KCNK12: variants seen among roughly 807,000 people sequenced by gnomAD.
KCNK12 encodes potassium two pore domain channel subfamily K member 12, also known as potassium channel subfamily K member 12.
Under a neutral mutation model 25.3 loss-of-function variants are expected in KCNK12, and 6 were observed. The ratio of observed to expected loss-of-function variants is 0.24; its 90% CI spans 0.13 to 0.47. The LOEUF (loss-of-function observed/expected upper bound fraction) is 0.47. Among genes scored for constraint, KCNK12 ranks in the 20% least tolerant of loss-of-function variants. The pLI is 0.99. For missense variants in KCNK12, 444 were observed against 661.7 expected (o/e 0.67, Z 3.61); for synonymous variants, 331 against 311.1 (o/e 1.06, Z -0.67).
chr2:47,534,527 G>T (rs13017722), intron 1 of KCNK12, among the ~76,000 whole-genome samples: 7 of 32,676 alleles, frequency 2.1e-4, no homozygotes, highest in Admixed American at 1.8e-3. Flanking sequence ...CCCCCCCCCC[G>T]CCCCCACACA....
chr2:47,569,851 C>T lies in KCNK12; in HGVS notation c.391+90G>A. The stretch of plus-strand genomic sequence containing the variant: ...GGGACATTAGAAGGGAAGGCAGAGC[C>T]GAGGGACGCGGACCGAGCGGCCGAG... On this transcript the variant is annotated intron_variant, in intron 1 of 1. Transcript: ENST00000327876. The surrounding 1 kb of genome is among the most constrained non-coding windows in gnomAD (Gnocchi z 4.1). 9.2e-7 allele frequency: 1 copy of T among 1,085,978 alleles called. No individual in the cohort carries two copies. The highest frequency in any genetic ancestry group is 3.5e-5 in the South Asian group (1 of 28,764). 67.3% of individuals were successfully genotyped at this position (1,085,978 alleles called of 1,614,324 possible). A position where few individuals can be genotyped will look rare whatever the true frequency, so the allele number is the denominator to read the frequency against.
intron 1 of KCNK12, among the ~76,000 whole-genome samples, chr2:47,537,294 A>G (rs1669094199): frequency 1.3e-5 from 2 of 151,592 alleles, no homozygotes; most frequent in Admixed American, 1.3e-4. Context: ...AATTCCGTAC[A>G]TGGAGCACAC....
At position 47,547,818 on chromosome 2, in the gene KCNK12, G is replaced by A. The variant is rs1418854846; in HGVS notation, c.391+22123C>T. 2.0e-5 allele frequency among the ~76,000 whole-genome samples: 3 copies of A among 152,066 alleles called. No individual in the cohort carries two copies. The highest frequency in any genetic ancestry group is 2.9e-5 in the Non-Finnish European group (2 of 67,990). ...TCACCGTGTTGGCCAGGCTGGTCTCGAACTCCTACCACATATAAGTGGTTC... is the reference window on the plus strand; with the variant it reads ...TCACCGTGTTGGCCAGGCTGGTCTCAAACTCCTACCACATATAAGTGGTTC... On this transcript the variant is annotated intron_variant, in intron 1 of 1. Transcript: ENST00000327876. This position sits in a 1 kb window ranked among gnomAD's most constrained non-coding sequence, Gnocchi z 5.0.
chr2:47,552,885 C>G (rs72812332), intron 1 of KCNK12, among the ~76,000 whole-genome samples: 2,183 of 152,230 alleles, frequency 0.014, 26 homozygotes, highest in Middle Eastern at 0.027. Flanking sequence ...GCAAGAAGAC[C>G]CAAGATCAGC....
intron 1 of KCNK12, among the ~76,000 whole-genome samples, chr2:47,539,326 G>C (rs954242612): frequency 6.6e-6 from 1 of 152,214 alleles, no homozygotes; most frequent in African/African-American, 2.4e-5. Flanking sequence ...TTTGTTCATA[G>C]TGTTTATATG....
intron 1 of KCNK12, chr2:47,563,472 G>A (rs1863334): frequency 1.3e-5 from 3 of 232,978 alleles, no homozygotes; most frequent in Non-Finnish European, 2.5e-5. Context: ...GGATGAGAGC[G>A]CAAGCTCTCA....
At position 47,556,537 on chromosome 2, in the gene KCNK12, C is replaced by A. The variant is rs1278970928; in HGVS notation, c.391+13404G>T. ...GGAGTGTCCAGCTGGTACTCAGGGT[C>A]ACCAATTTAAAGTTGGACCAGTCAG... On this transcript the variant is annotated intron_variant, in intron 1 of 1. Transcript: ENST00000327876. The surrounding 1 kb of genome is among the most constrained non-coding windows in gnomAD (Gnocchi z 4.8). Among the ~76,000 whole-genome samples, 1 of 152,028 alleles carries A rather than the reference C, an allele frequency of 6.6e-6. No homozygotes were observed. Among genetic ancestry groups the A allele is most frequent in the Non-Finnish European group, 1.5e-5 (1 of 68,016 alleles).
chr2:47,532,949 C>CA (rs1305432657), intron 1 of KCNK12, among the ~76,000 whole-genome samples: 1 of 152,224 alleles, frequency 6.6e-6, no homozygotes, highest in Non-Finnish European at 1.5e-5. Flanking sequence ...GACATGGACA[C>CA]ATTCCTTACC....
rs1192913530 is a variant in KCNK12, at chr2:47,569,300, TG to T, written c.391+640del. On this transcript the variant is annotated intron_variant, in intron 1 of 1. Coordinates refer to ENST00000327876, the MANE Select transcript of KCNK12 (RefSeq NM_022055.2). The surrounding 1 kb of genome is among the most constrained non-coding windows in gnomAD (Gnocchi z 4.1). Reference sequence around the variant, plus strand: ...AGAAATTGGAGAAGGGGCTGGGAGCTGGGGGAGAACACAAGGAAGGGAGGCA... The same window carrying T: ...AGAAATTGGAGAAGGGGCTGGGAGCTGGGGAGAACACAAGGAAGGGAGGCA... Among the ~76,000 whole-genome samples, 1 of 151,416 alleles carries T rather than the reference TG, an allele frequency of 6.6e-6. No homozygotes were observed.
In KCNK12 at chr2:47,544,272, G is replaced by T. The variant is rs115530738; in HGVS notation, c.392-22464C>A. ...AAAGGAACCCTCCCATACAGGCTTG[G>T]TACAGTCTCAGCCTGTAACGCTTCC... On this transcript the variant is annotated intron_variant, in intron 1 of 1. Transcript: ENST00000327876. Among the ~76,000 whole-genome samples, 646 of 152,306 alleles carry T rather than the reference G, an allele frequency of 4.2e-3. 3 individuals carry two copies. Among genetic ancestry groups the T allele is most frequent in the African/African-American group, 0.015 (627 of 41,558 alleles).
rs529434428 is a variant in KCNK12 at position 47,538,810 on chromosome 2, C to T, written c.392-17002G>A. On this transcript the variant is annotated intron_variant, in intron 1 of 1. Coordinates refer to ENST00000327876, the MANE Select transcript of KCNK12 (RefSeq NM_022055.2). This position sits in a 1 kb window ranked among gnomAD's most constrained non-coding sequence, Gnocchi z 4.5. ...AAATCCCTCCTGCACACTTTCAGGGCAAAGTTTAGGTGATATAAATGTCCC... is the reference window on the plus strand; with the variant it reads ...AAATCCCTCCTGCACACTTTCAGGGTAAAGTTTAGGTGATATAAATGTCCC... 1.8e-4 allele frequency among the ~76,000 whole-genome samples: 28 copies of T among 152,080 alleles called. No individual in the cohort carries two copies. The highest frequency in any genetic ancestry group is 3.8e-4 in the Non-Finnish European group (26 of 68,032).
chr2:47,552,190 C>T (rs557329514), intron 1 of KCNK12, among the ~76,000 whole-genome samples: 56 of 152,256 alleles, frequency 3.7e-4, no homozygotes, highest in Admixed American at 1.3e-3. Flanking sequence ...ACTCTAGGGA[C>T]AAAAATGCTA....
Position 47,560,836 on chromosome 2 carries a change from G to A in KCNK12, c.391+9105C>T, listed in dbSNP as rs1669653220. Among the ~76,000 whole-genome samples the A allele has an allele frequency of 6.6e-6, 1 of 152,142 alleles. No individual in the cohort carries two copies. The highest frequency in any genetic ancestry group is 6.5e-5 in the Admixed American group (1 of 15,276). Reference sequence around the variant, plus strand: ...CAAAGGCATTGGCTGCTGGCATGATGGAGAGTTTGGAAAGGGGAGATACTG... The same window carrying A: ...CAAAGGCATTGGCTGCTGGCATGATAGAGAGTTTGGAAAGGGGAGATACTG... On this transcript the variant is annotated intron_variant, in intron 1 of 1. Transcript: ENST00000327876. This position sits in a 1 kb window ranked among gnomAD's most constrained non-coding sequence, Gnocchi z 4.7.
In KCNK12 at chr2:47,533,503, G is replaced by A. The variant is rs921401958; in HGVS notation, c.392-11695C>T. 6.6e-6 allele frequency among the ~76,000 whole-genome samples: 1 copy of A among 152,202 alleles called. No homozygotes were observed. Among genetic ancestry groups the A allele is most frequent in the Non-Finnish European group, 1.5e-5 (1 of 68,038 alleles). ...GGCAGGCAAGGAATGGGCAAATCAC[G>A]ACATGACATATGGATTTCCATGGCA... On this transcript the variant is annotated intron_variant, in intron 1 of 1. Coordinates refer to ENST00000327876, the MANE Select transcript of KCNK12 (RefSeq NM_022055.2). The surrounding 1 kb of genome is among the most constrained non-coding windows in gnomAD (Gnocchi z 4.7).
chr2:47,536,014 C>A (rs1558553846), intron 1 of KCNK12, among the ~76,000 whole-genome samples: 1 of 152,296 alleles, frequency 6.6e-6, no homozygotes, highest in East Asian at 1.9e-4. Context: ...CCTTGCCTTG[C>A]CTATTGTCCC....
At chr2:47,545,713 C>T (rs1558558887) in intron 1 of KCNK12, among the ~76,000 whole-genome samples, 1 of 152,182 alleles carries the variant, frequency 6.6e-6, no homozygotes, top group Non-Finnish European at 1.5e-5. Context: ...CTCACCTCCA[C>T]AGGATGCTGA....
At position 47,528,788 on chromosome 2, in the gene KCNK12, G is replaced by A. The variant is rs1051607027; in HGVS notation, c.392-6980C>T. ...GTCTGGTGCCGCCTTCGCAAATGGG[G>A]CCCTGGTGATGGGGCCTTCGGAGTT... On this transcript the variant is annotated intron_variant, in intron 1 of 1. Coordinates refer to ENST00000327876, the MANE Select transcript of KCNK12 (RefSeq NM_022055.2). The surrounding 1 kb of genome is among the most constrained non-coding windows in gnomAD (Gnocchi z 4.5). Among the ~76,000 whole-genome samples, 1 of 152,212 alleles carries A rather than the reference G, an allele frequency of 6.6e-6. No individual in the cohort carries two copies. Among genetic ancestry groups the A allele is most frequent in the Admixed American group, 6.5e-5 (1 of 15,286 alleles).
intron 1 of KCNK12, among the ~76,000 whole-genome samples, chr2:47,522,810 C>G (rs1668687514): frequency 6.6e-6 from 1 of 152,184 alleles, no homozygotes. Context: ...AATCAATTCC[C>G]AGATGACTCC....
In KCNK12 at chr2:47,515,473, C is replaced by T. The variant is rs982842730; in HGVS notation, c.*5434G>A. Among the ~76,000 whole-genome samples the T allele has an allele frequency of 2.6e-5, 4 of 152,126 alleles. No homozygotes were observed. The highest frequency in any genetic ancestry group is 6.5e-5 in the Admixed American group (1 of 15,274). On this transcript the variant is annotated 3_prime_UTR_variant, in exon 2 of 2. Transcript: ENST00000327876. ...CCAGCATAAATGGGTTAAAACAAGA[C>T]AAAACAAAACAATACCAGAATGGAA...
Sources: gnomAD v4.1 joint callset for allele counts (sites outside exome capture counted in the v4.1 genomes callset) on GRCh38, gnomAD v4.1.1 for gene constraint, Gnocchi (gnomAD v3.1) non-coding constraint, MANE v1.5 for transcripts, NCBI Gene and HGNC (gene_info 2026-07-23, HGNC 2026-07-21) for gene names.